The following ECE2 variants were observed in gnomAD, a reference collection of about 807,000 sequenced individuals.
ECE2 encodes endothelin converting enzyme 2.
In ECE2, 81 loss-of-function variants were observed where a neutral mutation model predicts 100.6. That is an observed-to-expected ratio of 0.81 (90% CI 0.67 to 0.97). The LOEUF (loss-of-function observed/expected upper bound fraction) is 0.97, where lower values mean the gene tolerates loss of function less well. Ranked by LOEUF, ECE2 falls within the 50% of genes least tolerant of loss-of-function variation. The pLI, the probability that ECE2 is intolerant of heterozygous loss-of-function variation, is 0.00. For synonymous variants in ECE2, 391 were observed against 391.5 expected, an observed-to-expected ratio of 1.00 and a Z score of 0.02; for missense variants, 911 against 988.1, an observed-to-expected ratio of 0.92 and a Z score of 1.05.
rs1395359280 is a variant in ECE2 at position 184,289,336 on chromosome 3, C to T, written c.1375-101C>T. 20 of 1,070,144 alleles carry T rather than the reference C, an allele frequency of 1.9e-5. No homozygotes were observed. The highest frequency in any genetic ancestry group is 2.7e-5 in the Non-Finnish European group (19 of 714,730). 66.3% of individuals were successfully genotyped at this position (1,070,144 alleles called of 1,614,324 possible). ...CGTATTTCTTTAGTCTAGACGTTCC[C>T]ATTTCCCCTGGGTGGACAGGGATGG... On this transcript the variant is annotated intron_variant, in intron 11 of 18. Transcript: ENST00000404464. The surrounding 1 kb of genome is among the most constrained non-coding windows in gnomAD (Gnocchi z 4.1).
chr3:184,276,644 T>C (rs1169446464), intron 2 of ECE2, 77 bp downstream of exon 2: 2 of 1,578,032 alleles, frequency 1.3e-6, no homozygotes, highest in African/African-American at 2.7e-5. Context: ...AGCTCTGGGC[T>C]GTTCTGGAGG....
intron 7 of ECE2, among the ~76,000 whole-genome samples, chr3:184,282,749 G>A (rs1249437250): frequency 4.6e-5 from 7 of 152,206 alleles, no homozygotes; most frequent in Non-Finnish European, 4.4e-5. Flanking sequence ...AAGTCAAGCC[G>A]TGTCATCTTC....
intron 7 of ECE2, among the ~76,000 whole-genome samples, chr3:184,281,858 G>A (rs1016263413): frequency 9.2e-5 from 14 of 152,338 alleles, no homozygotes; most frequent in African/African-American, 3.4e-4. Context: ...CAGCACTTTG[G>A]GAGGCTGAGG....
intron 4 of ECE2, 72 bp downstream of exon 4, chr3:184,277,538 C>T: frequency 1.3e-6 from 2 of 1,503,620 alleles, no homozygotes; most frequent in Non-Finnish European, 1.8e-6. Flanking sequence ...TGGCACTTAG[C>T]AAATAGGCAG....
chr3:184,279,786 G>T (rs191931638), intron 7 of ECE2, among the ~76,000 whole-genome samples: 223 of 152,260 alleles, frequency 1.5e-3, no homozygotes, highest in Admixed American at 2.6e-3. Context: ...AATGGGTTAT[G>T]GAGGGGACCT....
At chr3:184,282,713 C>T (rs930347503) in intron 7 of ECE2, among the ~76,000 whole-genome samples, 1 of 152,202 alleles carries the variant, frequency 6.6e-6, no homozygotes, top group African/African-American at 2.4e-5. Flanking sequence ...CACATTCTCA[C>T]TCTGCCATCT....
In ECE2 at chr3:184,289,639, A is replaced by G. The variant is rs1231646436; in HGVS notation, c.1474-2A>G. The stretch of plus-strand genomic sequence containing the variant: ...AACAAACCCTTAACCTGGTCTCTTC[A>G]GGCAGATGCCATCTATGATATGATT... On this transcript the variant is annotated splice_acceptor_variant, in intron 12 of 18. Coordinates refer to ENST00000404464, the MANE Select transcript of ECE2 (RefSeq NM_001100121.2). LOFTEE classifies it high-confidence loss of function. The surrounding 1 kb of genome is among the most constrained non-coding windows in gnomAD (Gnocchi z 4.1). 2.5e-6 allele frequency: 4 copies of G among 1,613,608 alleles called. No homozygotes were observed. The highest frequency in any genetic ancestry group is 3.4e-6 in the Non-Finnish European group (4 of 1,179,768).
intron 9 of ECE2, 34 bp downstream of exon 9, chr3:184,285,139 G>A (rs761292052): frequency 3.7e-6 from 6 of 1,602,176 alleles, no homozygotes; most frequent in Non-Finnish European, 4.3e-6. Flanking sequence ...GGTGGGTTCT[G>A]TGGAGGTCTC....
intron 8 of ECE2, 74 bp from the exon 9 acceptor site, chr3:184,284,889 C>G: frequency 6.4e-7 from 1 of 1,557,266 alleles, no homozygotes. Flanking sequence ...GGCTCCCAGG[C>G]TACAGCATAC....
intron 3 of ECE2, 73 bp downstream of exon 3, chr3:184,277,100 C>G: frequency 6.2e-7 from 1 of 1,605,044 alleles, no homozygotes. Context: ...CTAAGATTTT[C>G]ACTTGTGGGA....
chr3:184,280,949 A>T (rs1488323212), intron 7 of ECE2, among the ~76,000 whole-genome samples: 1 of 151,818 alleles, frequency 6.6e-6, no homozygotes, highest in East Asian at 1.9e-4. Context: ...ACTGCACTCC[A>T]GCCTGGGCAA....
In ECE2 at chr3:184,277,397, G is replaced by C. The variant is rs766739173; in HGVS notation, c.409G>C (p.Gly137Arg). 6.2e-7 allele frequency: 1 copy of C among 1,614,258 alleles called. No individual in the cohort carries two copies. The highest frequency in any genetic ancestry group is 1.3e-5 in the African/African-American group (1 of 75,068). Reference protein sequence around the residue: ...GWIRRNPLPDGRSRWNTFNSL... With the variant: ...GWIRRNPLPDRRSRWNTFNSL... ...GATTCGGAGGAACCCCCTGCCCGAT[G>C]GGCGTTCTCGCTGGAACACCTTCAA... Residue 137 changes from glycine (G) to arginine (R), a missense_variant, in exon 4 of 19, where the codon GGG becomes CGG. Transcript: ENST00000404464.
At chr3:184,283,561 C>CAAAAA (rs35761542) in intron 7 of ECE2, among the ~76,000 whole-genome samples, 15 of 53,098 alleles carry the variant, frequency 2.8e-4, no homozygotes, top group African/African-American at 3.1e-4. Context: ...GACTCCATCT[C>CAAAAA]AAAAAAAAAA....
chr3:184,283,996 G>A, intron 8 of ECE2, 23 bp downstream of exon 8: 2 of 1,611,860 alleles, frequency 1.2e-6, no homozygotes, highest in Non-Finnish European at 1.7e-6. Context: ...GGGGGCTGGA[G>A]ACAACTGAGA....
chr3:184,281,024 G>A (rs1720796430), intron 7 of ECE2, among the ~76,000 whole-genome samples: 1 of 151,940 alleles, frequency 6.6e-6, no homozygotes, highest in South Asian at 2.1e-4. Context: ...CTAAACAAAG[G>A]CTTTGAAGAG....
In ECE2 at chr3:184,283,927, G is replaced by A. The variant is rs536698371; in HGVS notation, c.959G>A (p.Arg320His). The change falls in exon 8 of 19, where the codon CGC (arginine) becomes CAC (histidine). Residue 320 changes from arginine to histidine, a missense_variant. Coordinates refer to ENST00000404464, the MANE Select transcript of ECE2 (RefSeq NM_001100121.2). ...ATCACAGTGCCCCAGGACCAGCGGC[G>A]CGACGAGGAGAAGATCTACCACAAG... Reference protein sequence around the residue: ...ANITVPQDQRRDEEKIYHKMS... With the variant: ...ANITVPQDQRHDEEKIYHKMS... 3.2e-5 allele frequency: 51 copies of A among 1,613,980 alleles called. No individual in the cohort carries two copies. The highest frequency in any genetic ancestry group is 4.4e-5 in the South Asian group (4 of 91,072).
At chr3:184,287,145 G>A (rs1298613696) in intron 10 of ECE2, among the ~76,000 whole-genome samples, 2 of 151,528 alleles carry the variant, frequency 1.3e-5, no homozygotes, top group African/African-American at 2.4e-5. Flanking sequence ...GCGTGGTGGC[G>A]GGCGCCTTTA....
At chr3:184,280,134 G>A (rs778392501) in intron 7 of ECE2, among the ~76,000 whole-genome samples, 1 of 152,132 alleles carries the variant, frequency 6.6e-6, no homozygotes, top group East Asian at 1.9e-4. Context: ...TGGAATGGAG[G>A]GGTCCCTTGG....
At chr3:184,283,436 C>G (rs1332375770) in intron 7 of ECE2, among the ~76,000 whole-genome samples, 2 of 151,174 alleles carry the variant, frequency 1.3e-5, no homozygotes, top group African/African-American at 4.9e-5. Context: ...GTGGCACACG[C>G]CTGTAGTCCC....
Sources: gnomAD v4.1 joint callset for allele counts (sites outside exome capture counted in the v4.1 genomes callset) on GRCh38, gnomAD v4.1.1 for gene constraint, Gnocchi (gnomAD v3.1) non-coding constraint, MANE v1.5 for transcripts, NCBI Gene and HGNC (gene_info 2026-07-23, HGNC 2026-07-21) for gene names.